The following CFAP69 variants were observed in gnomAD, a reference collection of about 807,000 sequenced individuals.
CFAP69 encodes cilia- and flagella-associated protein 69.
A neutral mutation model predicts 123.0 loss-of-function variants in CFAP69; 92 were observed. The ratio of observed to expected loss-of-function variants is 0.75; its 90% confidence interval spans 0.63 to 0.89. The LOEUF (loss-of-function observed/expected upper bound fraction) is 0.89, where lower values mean the gene tolerates loss of function less well. Among genes scored for constraint, CFAP69 ranks in the 40% least tolerant of loss-of-function variants. The pLI is 0.00. For synonymous variants in CFAP69, 380 were observed against 364.3 expected (o/e 1.04, Z -0.49); for missense variants, 1,067 against 1,096.9 (o/e 0.97, Z 0.39).
At position 90,304,062 on chromosome 7, in the gene CFAP69, C is replaced by A; in HGVS notation, c.2144C>A (p.Ser715Tyr). 6.4e-7 allele frequency: 1 copy of A among 1,551,016 alleles called. No individual in the cohort carries two copies. The highest frequency in any genetic ancestry group is 8.7e-7 in the Non-Finnish European group (1 of 1,146,624). The change falls in exon 18 of 23, where the codon TCT (serine) becomes TAT (tyrosine). Residue 715 changes from serine (S) to tyrosine (Y), a missense_variant. Physicochemically the swap from Ser to Tyr is moderately radical, Grantham distance 144. Coordinates refer to ENST00000389297, the MANE Select transcript of CFAP69 (RefSeq NM_001039706.3). ...NCPSIAVMDV[S>Y]ENIRAKIYAI... Reference sequence around the variant, plus strand: ...CCATCTATTGCGGTTATGGATGTTTCTGAGAATATTAGAGCAAAAATTTAT... The same window carrying A: ...CCATCTATTGCGGTTATGGATGTTTATGAGAATATTAGAGCAAAAATTTAT...
At chr7:90,292,923 C>G (rs1791420056) in intron 15 of CFAP69, among the ~76,000 whole-genome samples, 1 of 152,148 alleles carries the variant, frequency 6.6e-6, no homozygotes, top group South Asian at 2.1e-4. Flanking sequence ...AGTTCTATAG[C>G]TGACTATAAA....
At chr7:90,252,608 T>A (rs977683853) in intron 1 of CFAP69, among the ~76,000 whole-genome samples, 3 of 152,086 alleles carry the variant, frequency 2.0e-5, no homozygotes, top group Non-Finnish European at 4.4e-5. Flanking sequence ...GAGGTTGAGG[T>A]AAGCAGTGAG....
intron 1 of CFAP69, among the ~76,000 whole-genome samples, chr7:90,249,374 C>A (rs1796700957): frequency 6.6e-6 from 1 of 152,154 alleles, no homozygotes; most frequent in African/African-American, 2.4e-5. Context: ...AACCTCTTTC[C>A]TTTATAAATT....
chr7:90,300,613 C>T (rs1308726386), intron 17 of CFAP69: 2 of 352,324 alleles, frequency 5.7e-6, no homozygotes, highest in Non-Finnish European at 7.9e-6. Context: ...AGTTCATTTA[C>T]ATATTCCATA....
chr7:90,258,000 T>C, intron 2 of CFAP69, 98 bp from the exon 3 acceptor site: 1 of 730,796 alleles, frequency 1.4e-6, no homozygotes, highest in South Asian at 1.7e-5. Flanking sequence ...TAAGAATTAC[T>C]TGATAATTTT....
At chr7:90,249,142 T>A (rs1336202938) in intron 1 of CFAP69, among the ~76,000 whole-genome samples, 2 of 152,148 alleles carry the variant, frequency 1.3e-5, no homozygotes, top group Non-Finnish European at 2.9e-5. Context: ...GGGAGGGACC[T>A]GGTGGGAGGT....
intron 15 of CFAP69, among the ~76,000 whole-genome samples, chr7:90,296,284 A>G (rs1791945807): frequency 6.6e-6 from 1 of 152,144 alleles, no homozygotes; most frequent in Non-Finnish European, 1.5e-5. Context: ...TTCTGAGCCC[A>G]ATATAATTGA....
chr7:90,265,299 AGCTT>A lies in CFAP69; in HGVS notation c.358_361del (p.Leu120HisfsTer3). ...TGTTACAATTCTTCATTCTTATTGA[AGCTT>A]GCCATTTTTGAAAAAGAAAGTGTCG... On this transcript the variant is annotated splice_acceptor_variant and coding_sequence_variant, in exon 5 of 23. Transcript: ENST00000389297. LOFTEE classifies it high-confidence loss of function. The A allele has an allele frequency of 6.2e-7, 1 of 1,601,864 alleles. No homozygotes were observed. The highest frequency in any genetic ancestry group is 1.1e-5 in the South Asian group (1 of 90,510).
chr7:90,310,107 GC>G lies in CFAP69; in HGVS notation c.2698del (p.Arg900AspfsTer2). 1 of 1,613,792 alleles carries G rather than the reference GC, an allele frequency of 6.2e-7. No homozygotes were observed. The highest frequency in any genetic ancestry group is 8.5e-7 in the Non-Finnish European group (1 of 1,179,806). On this transcript the variant is annotated frameshift_variant, in exon 23 of 23. Coordinates refer to ENST00000389297, the MANE Select transcript of CFAP69 (RefSeq NM_001039706.3). LOFTEE classifies it high-confidence loss of function. ...GGVVTVESTP[A>X]RLVGGPLVDT... ...AGTAGTAACAGTGGAAAGCACTCCT[GC>G]CCGATTAGTAGGAGGACCTCTGGTT...
At chr7:90,312,310 G>T (rs1476591003), downstream of CFAP69, among the ~76,000 whole-genome samples, 1 of 152,146 alleles carries the variant, frequency 6.6e-6, no homozygotes, top group African/African-American at 2.4e-5. Context: ...TCTCCAAAAT[G>T]GTGAGGCATA....
chr7:90,250,588 C>T (rs545008783), intron 1 of CFAP69, among the ~76,000 whole-genome samples: 13 of 152,306 alleles, frequency 8.5e-5, no homozygotes, highest in Middle Eastern at 3.4e-3. Flanking sequence ...TGATTGTCTT[C>T]AAAGCAATTT....
At chr7:90,292,185 A>C (rs1791302171) in intron 15 of CFAP69, among the ~76,000 whole-genome samples, 1 of 152,152 alleles carries the variant, frequency 6.6e-6, no homozygotes, top group African/African-American at 2.4e-5. Context: ...CTTTGATGGA[A>C]CTCTGTTCCA....
intron 15 of CFAP69, among the ~76,000 whole-genome samples, chr7:90,297,021 C>T (rs1440400040): frequency 6.6e-6 from 1 of 152,114 alleles, no homozygotes; most frequent in East Asian, 1.9e-4. Context: ...GGAGGGGATT[C>T]GCTACAGAAT....
chr7:90,268,071 G>T (rs1799406680), intron 5 of CFAP69, among the ~76,000 whole-genome samples: 1 of 152,060 alleles, frequency 6.6e-6, no homozygotes, highest in East Asian at 1.9e-4. Flanking sequence ...ATTGATTGAG[G>T]GGCCAAATGT....
intron 15 of CFAP69, among the ~76,000 whole-genome samples, chr7:90,294,272 C>G (rs1791606536): frequency 6.6e-6 from 1 of 152,150 alleles, no homozygotes; most frequent in African/African-American, 2.4e-5. Flanking sequence ...ATAATTTACA[C>G]CAAATGTTAC....
intron 22 of CFAP69, 132 bp downstream of exon 22, chr7:90,309,499 C>T (rs1051953163): frequency 6.9e-6 from 3 of 435,886 alleles, no homozygotes; most frequent in Non-Finnish European, 1.2e-5. Context: ...TGAATTATAT[C>T]TCAATAAAAC....
intron 9 of CFAP69, among the ~76,000 whole-genome samples, chr7:90,274,429 G>A (rs1800432717): frequency 6.6e-6 from 1 of 152,034 alleles, no homozygotes; most frequent in South Asian, 2.1e-4. Flanking sequence ...AATTTCTTGT[G>A]GTGCAAATCT....
At position 90,274,931 on chromosome 7, in the gene CFAP69, T is replaced by C. The variant is rs543773314; in HGVS notation, c.984+821T>C. On this transcript the variant is annotated intron_variant, in intron 9 of 22. Transcript: ENST00000389297. ...TTTCAGCCCCATTCTCTCTCCCCAC[T>C]TCTTCAGAGGCTCTGATTACTTTTA... Among the ~76,000 whole-genome samples the C allele has an allele frequency of 2.0e-5, 3 of 152,302 alleles. No individual in the cohort carries two copies. The South Asian group carries it at 6.2e-4, about 32-fold the overall frequency.
At chr7:90,252,729 C>G (rs1258719464) in intron 1 of CFAP69, among the ~76,000 whole-genome samples, 2 of 152,084 alleles carry the variant, frequency 1.3e-5, no homozygotes, top group Non-Finnish European at 2.9e-5. Flanking sequence ...GATACTTACT[C>G]CACAGACTTA....
Sources: allele counts gnomAD v4.1 joint callset (sites outside exome capture counted in the v4.1 genomes callset), GRCh38; gene constraint gnomAD v4.1.1; transcripts MANE v1.5; gene names NCBI Gene and HGNC (gene_info 2026-07-23, HGNC 2026-07-21).